The following PWWP3A variants were observed in gnomAD, a reference collection of about 807,000 sequenced individuals.
PWWP3A encodes PWWP domain containing 3A, DNA repair factor, also known as PWWP domain-containing DNA repair factor 3A.
PWWP3A carries 53 observed loss-of-function variants against 79.0 expected under a neutral mutation model. That is an observed-to-expected ratio of 0.67 (90% CI 0.54 to 0.84). The LOEUF is 0.84. Among genes scored for constraint, PWWP3A ranks in the 40% least tolerant of loss-of-function variants. The pLI is 0.00. For synonymous variants in PWWP3A, 443 were observed against 394.4 expected (o/e 1.12, Z -1.46); for missense variants, 973 against 948.0 (o/e 1.03, Z -0.35).
At position 1,369,759 on chromosome 19, in the gene PWWP3A, C is replaced by A; in HGVS notation, c.1549+113C>A. ...GACGTTGGGGTCAAGGCACTGTCCGCAGCCACACAGCATTGTTCAACCTCT... is the reference window on the plus strand; with the variant it reads ...GACGTTGGGGTCAAGGCACTGTCCGAAGCCACACAGCATTGTTCAACCTCT... On this transcript the variant is annotated intron_variant, in intron 11 of 13. Transcript: ENST00000591337. The surrounding 1 kb of genome is among the most constrained non-coding windows in gnomAD (Gnocchi z 4.0). The A allele has an allele frequency of 8.7e-7, 1 of 1,148,584 alleles. No individual in the cohort carries two copies. Among genetic ancestry groups the A allele is most frequent in the Non-Finnish European group, 1.3e-6 (1 of 758,348 alleles). The allele number at this position is 1,148,584 out of a possible 1,614,324, so 71.1% of individuals were successfully genotyped here. A position where few individuals can be genotyped will look rare whatever the true frequency, so the allele number is the denominator to read the frequency against.
chr19:1,357,852 A>G (rs1223900141), intron 3 of PWWP3A: 1 of 157,294 alleles, frequency 6.4e-6, no homozygotes, highest in Non-Finnish European at 1.4e-5. Context: ...AGTCCAAGGC[A>G]TTGGCTCCCC....
chr19:1,361,048 G>T lies in PWWP3A; in HGVS notation c.1111+16G>T, dbSNP rs1294980818. The T allele has an allele frequency of 7.0e-7, 1 of 1,423,640 alleles. No homozygotes were observed. Among genetic ancestry groups the T allele is most frequent in the East Asian group, 2.7e-5 (1 of 36,976 alleles). The allele number at this position is 1,423,640 out of a possible 1,614,324, so 88.2% of individuals were successfully genotyped here. ...CTGGAGAAAGGTAAAAGTTTCTCGT[G>T]GAGGAGGAGAGCGCAGAGGGTGGAG... On this transcript the variant is annotated intron_variant, in intron 5 of 13. Transcript: ENST00000591337.
intron 6 of PWWP3A, among the ~76,000 whole-genome samples, chr19:1,363,599 G>A (rs766084993): frequency 6.6e-6 from 1 of 152,202 alleles, no homozygotes; most frequent in African/African-American, 2.4e-5. Flanking sequence ...TCCTGCCTGC[G>A]GTGGGAGCTG....
chr19:1,356,871 A>G (rs1211544027), intron 2 of PWWP3A, 138 bp from the exon 3 acceptor site: 18 of 672,496 alleles, frequency 2.7e-5, no homozygotes, highest in Admixed American at 1.6e-4. Context: ...CTGTGAAACA[A>G]TGGGGATTGG....
At position 1,373,168 on chromosome 19, in the gene PWWP3A, G is replaced by C. The variant is rs374404267; in HGVS notation, c.2075+8G>C. The C allele has an allele frequency of 5.0e-6, 8 of 1,611,798 alleles. No individual in the cohort carries two copies. The highest frequency in any genetic ancestry group is 6.8e-6 in the Non-Finnish European group (8 of 1,178,468). ...GCCTTCGCTGAGCTACCGGTAGGCC[G>C]CTCCCGGCGCTATCTCCAGCCACTT... On this transcript the variant is annotated splice_region_variant and intron_variant, in intron 13 of 13. Coordinates refer to ENST00000591337, the MANE Select transcript of PWWP3A (RefSeq NM_001369789.1).
chr19:1,373,468 C>A (rs771260790), intron 13 of PWWP3A: 1 of 399,372 alleles, frequency 2.5e-6, no homozygotes, highest in East Asian at 4.8e-5. Context: ...TTTGCACTTT[C>A]CTCCCCTCTT....
At chr19:1,376,411 C>G in intron 13 of PWWP3A, 108 bp from the exon 14 acceptor site, 1 of 1,082,340 alleles carries the variant, frequency 9.2e-7, no homozygotes. Context: ...GCCTCGGCCT[C>G]CCAAAGTGCT....
chr19:1,371,609 G>C lies in PWWP3A; in HGVS notation c.1986+531G>C, dbSNP rs570792882. ...GTGAGGAGCAAATACAGATGATTTTGAAGTTTGTATCTGAAATTTCAGAGA... is the reference window on the plus strand; with the variant it reads ...GTGAGGAGCAAATACAGATGATTTTCAAGTTTGTATCTGAAATTTCAGAGA... On this transcript the variant is annotated intron_variant, in intron 12 of 13. Transcript: ENST00000591337. 3.7e-4 allele frequency: 215 copies of C among 583,900 alleles called. 1 individual carries two copies. The highest frequency in any genetic ancestry group is 6.1e-4 in the Non-Finnish European group (200 of 326,984). The allele number at this position is 583,900 out of a possible 1,614,324, so 36.2% of individuals were successfully genotyped here.
In PWWP3A at chr19:1,376,586, C is replaced by G. The variant is rs961867757; in HGVS notation, c.*10C>G. On this transcript the variant is annotated 3_prime_UTR_variant, in exon 14 of 14. Coordinates refer to ENST00000591337, the MANE Select transcript of PWWP3A (RefSeq NM_001369789.1). ...CCGGCGCCGTCGGTGAGGGAGCAGC[C>G]GGCTGTGCTGTCAGCGGGGCCTGGC... The G allele has an allele frequency of 6.2e-7, 1 of 1,613,236 alleles. No homozygotes were observed. The highest frequency in any genetic ancestry group is 2.2e-5 in the East Asian group (1 of 44,868).
At position 1,357,399 on chromosome 19, in the gene PWWP3A, CTTTTTTTTTT is replaced by C. The variant is rs66856576; in HGVS notation, c.143+314_143+323del. The C allele has an allele frequency of 1.1e-3, 140 of 128,004 alleles. 1 individual carries two copies. Among genetic ancestry groups the C allele is most frequent in the African/African-American group, 4.0e-3 (133 of 33,588 alleles). The allele number at this position is 128,004 out of a possible 1,614,324, so 7.9% of individuals were successfully genotyped here. On this transcript the variant is annotated intron_variant, in intron 3 of 13. Transcript: ENST00000591337. ...TTTGTGGTTAAAATAGGGATATTTC[CTTTTTTTTTT>C]TTTTTTTTGACTGTTTCTTAATCAG...
intron 8 of PWWP3A, 137 bp from the exon 9 acceptor site, chr19:1,367,023 C>G (rs2526135): frequency 3.0e-6 from 2 of 656,552 alleles, no homozygotes; most frequent in Non-Finnish European, 5.3e-6. Flanking sequence ...GCTGGGGAAA[C>G]GGTCACCTTC....
intron 11 of PWWP3A, 105 bp from the exon 12 acceptor site, chr19:1,370,537 C>G: frequency 9.5e-7 from 1 of 1,052,138 alleles, no homozygotes; most frequent in South Asian, 2.0e-5. Flanking sequence ...TCGCTAGGGT[C>G]TGCCCCCATC....
Position 1,360,336 on chromosome 19 carries a change from C to T in PWWP3A, c.415C>T (p.Pro139Ser), listed in dbSNP as rs868628340. Residue 139 changes from proline to serine, a missense_variant, in exon 5 of 14, where the codon CCC becomes TCC. Pro to Ser is a moderately conservative substitution (Grantham distance 74, BLOSUM62 -1). Coordinates refer to ENST00000591337, the MANE Select transcript of PWWP3A (RefSeq NM_001369789.1). This position sits in a 1 kb window ranked among gnomAD's most constrained non-coding sequence, Gnocchi z 4.4. ...CTGTGATTCGAACTCCTCATCTCTT[C>T]CCCGCGGAGACGTGTTGGGCAGTTC... ...SPCDSNSSSL[P>S]RGDVLGSSRP... 6.2e-7 allele frequency: 1 copy of T among 1,614,070 alleles called. No individual in the cohort carries two copies. The highest frequency in any genetic ancestry group is 2.2e-5 in the East Asian group (1 of 44,886).
In PWWP3A at chr19:1,376,871, C is replaced by T. The variant is rs369411942; in HGVS notation, c.*295C>T. 3.5e-6 allele frequency: 1 copy of T among 284,102 alleles called. No homozygotes were observed. Among genetic ancestry groups the T allele is most frequent in the Non-Finnish European group, 6.5e-6 (1 of 153,074 alleles). 17.6% of individuals were successfully genotyped at this position (284,102 alleles called of 1,614,324 possible). On this transcript the variant is annotated 3_prime_UTR_variant, in exon 14 of 14. Coordinates refer to ENST00000591337, the MANE Select transcript of PWWP3A (RefSeq NM_001369789.1). The stretch of plus-strand genomic sequence containing the variant: ...AGCGTATTCACTGTGCGCCAGTACT[C>T]CTGGCTGTGCTGTGGTTTCTCCCGA...
At position 1,375,515 on chromosome 19, in the gene PWWP3A, T is replaced by A. The variant is rs535082629; in HGVS notation, c.2076-1004T>A. On this transcript the variant is annotated intron_variant, in intron 13 of 13. Coordinates refer to ENST00000591337, the MANE Select transcript of PWWP3A (RefSeq NM_001369789.1). Reference sequence around the variant, plus strand: ...ATATATAAATTTTATATATAATATATAAAATCATATAATTTATATATTTTA... The same window carrying A: ...ATATATAAATTTTATATATAATATAAAAAATCATATAATTTATATATTTTA... Among the ~76,000 whole-genome samples the A allele has an allele frequency of 4.0e-3, 469 of 116,968 alleles. 17 individuals are homozygous for A. In the East Asian group the frequency reaches 0.083, roughly 21 times the overall value. The allele number at this position is 116,968 out of a possible 152,430, so 76.7% of individuals were successfully genotyped here. A position where few individuals can be genotyped will look rare whatever the true frequency, so the allele number is the denominator to read the frequency against.
chr19:1,364,563 C>A lies in PWWP3A; in HGVS notation c.1268C>A (p.Pro423His). Reference sequence around the variant, plus strand: ...GTCTGGCATAAACATAAAAAATACCCCTTCTGGCCAGCAGTGGTAAGAACA... The same window carrying A: ...GTCTGGCATAAACATAAAAAATACCACTTCTGGCCAGCAGTGGTAAGAACA... ...MLVWHKHKKY[P>H]FWPAVVKSVR... Residue 423 changes from proline to histidine, a missense_variant, in exon 7 of 14, where the codon CCC becomes CAC. Physicochemically the swap from Pro to His is moderately conservative, Grantham distance 77. Transcript: ENST00000591337. 6.2e-7 allele frequency: 1 copy of A among 1,608,162 alleles called. No homozygotes were observed. Among genetic ancestry groups the A allele is most frequent in the Non-Finnish European group, 8.5e-7 (1 of 1,178,116 alleles).
In PWWP3A at chr19:1,361,050, A is replaced by C. The variant is rs1360286812; in HGVS notation, c.1111+18A>C. The C allele has an allele frequency of 1.4e-6, 2 of 1,423,746 alleles. No homozygotes were observed. Among genetic ancestry groups the C allele is most frequent in the Non-Finnish European group, 1.8e-6 (2 of 1,086,918 alleles). 88.2% of individuals were successfully genotyped at this position (1,423,746 alleles called of 1,614,324 possible). A position where few individuals can be genotyped will look rare whatever the true frequency, so the allele number is the denominator to read the frequency against. ...GGAGAAAGGTAAAAGTTTCTCGTGG[A>C]GGAGGAGAGCGCAGAGGGTGGAGTC... On this transcript the variant is annotated intron_variant, in intron 5 of 13. Coordinates refer to ENST00000591337, the MANE Select transcript of PWWP3A (RefSeq NM_001369789.1).
chr19:1,367,242 C>T (rs2082148514), intron 9 of PWWP3A, 22 bp downstream of exon 9: 4 of 1,603,196 alleles, frequency 2.5e-6, no homozygotes, highest in Non-Finnish European at 3.4e-6. Context: ...ATGTTTTGTG[C>T]TTGCTTTAAA....
intron 3 of PWWP3A, 159 bp downstream of exon 3, chr19:1,357,253 C>T (rs2081894041): frequency 1.8e-6 from 1 of 570,466 alleles, no homozygotes; most frequent in South Asian, 2.4e-5. Flanking sequence ...CATGAGAAAG[C>T]AACTAGTTTG....
Sources: allele counts gnomAD v4.1 joint callset (sites outside exome capture counted in the v4.1 genomes callset), GRCh38; gene constraint gnomAD v4.1.1; non-coding constraint Gnocchi (gnomAD v3.1); transcripts MANE v1.5; gene names NCBI Gene and HGNC (gene_info 2026-07-23, HGNC 2026-07-21).